ZNF407: variants seen among roughly 807,000 people sequenced by gnomAD.
The protein encoded by ZNF407 is zinc finger protein 407.
Under a neutral mutation model 131.2 loss-of-function variants are expected in ZNF407, and 17 were observed. The observed-to-expected ratio is 0.13, with a 90% CI of 0.09 to 0.19. The LOEUF (loss-of-function observed/expected upper bound fraction) is 0.19. Ranked by LOEUF, ZNF407 falls within the 10% of genes least tolerant of loss-of-function variation. The pLI, the probability that ZNF407 is intolerant of heterozygous loss-of-function variation, is 1.00. For missense variants in ZNF407, 2,681 were observed against 2,830.6 expected, an observed-to-expected ratio of 0.95 and a Z score of 1.20; for synonymous variants, 1,156 against 1,062.0, an observed-to-expected ratio of 1.09 and a Z score of -1.72.
At chr18:74,730,468 G>C (rs565020436) in intron 3 of ZNF407, among the ~76,000 whole-genome samples, 7 of 152,244 alleles carry the variant, frequency 4.6e-5, no homozygotes, top group Non-Finnish European at 1.0e-4. Flanking sequence ...GCTGCCTTGT[G>C]TCCTGTCATT....
At chr18:74,680,675 T>A (rs1352115828) in intron 3 of ZNF407, among the ~76,000 whole-genome samples, 1 of 152,026 alleles carries the variant, frequency 6.6e-6, no homozygotes, top group Non-Finnish European at 1.5e-5. Context: ...CAACCTTGAG[T>A]AGATGTAGTA....
chr18:74,615,521 G>A (rs909631470), intron 1 of ZNF407, among the ~76,000 whole-genome samples: 42 of 152,254 alleles, frequency 2.8e-4, no homozygotes, highest in African/African-American at 9.4e-4. Flanking sequence ...CTTTTATCAC[G>A]TTTGAGCTGT....
chr18:74,925,867 G>A (rs1276054287), intron 8 of ZNF407, among the ~76,000 whole-genome samples: 1 of 152,128 alleles, frequency 6.6e-6, no homozygotes, highest in Non-Finnish European at 1.5e-5. Flanking sequence ...GTATCATTAA[G>A]CTCATCCATA....
intron 8 of ZNF407, among the ~76,000 whole-genome samples, chr18:75,030,706 C>A (rs574102927): frequency 1.3e-5 from 2 of 152,138 alleles, no homozygotes; most frequent in Non-Finnish European, 2.9e-5. Flanking sequence ...CCATGCTGGG[C>A]GTGCTTCTGA....
intron 8 of ZNF407, among the ~76,000 whole-genome samples, chr18:75,012,335 CACATAGTGTAT>C (rs1449559900): frequency 3.9e-5 from 4 of 103,024 alleles, no homozygotes; most frequent in African/African-American, 1.4e-4. Context: ...AGTGTATGTA[CACATAGTGTAT>C]GTACACATAG....
intron 1 of ZNF407, among the ~76,000 whole-genome samples, chr18:74,605,342 C>G (rs536936699): frequency 6.6e-6 from 1 of 152,278 alleles, no homozygotes; most frequent in South Asian, 2.1e-4. Context: ...CTTCATCTCT[C>G]TGAGCCTCAG....
intron 4 of ZNF407, among the ~76,000 whole-genome samples, chr18:74,800,098 G>A (rs1314335596): frequency 1.3e-5 from 2 of 151,674 alleles, no homozygotes; most frequent in African/African-American, 4.8e-5. Context: ...ACAATTCTTT[G>A]TATACACACA....
intron 8 of ZNF407, among the ~76,000 whole-genome samples, chr18:75,058,026 C>T (rs1180129562): frequency 6.6e-6 from 1 of 152,134 alleles, no homozygotes; most frequent in Non-Finnish European, 1.5e-5. Context: ...AGGAGCAGCA[C>T]ACACACAGAG....
intron 7 of ZNF407, among the ~76,000 whole-genome samples, chr18:74,904,846 C>T (rs1206473332): frequency 6.6e-6 from 1 of 152,094 alleles, no homozygotes; most frequent in Non-Finnish European, 1.5e-5. Flanking sequence ...GAAGCAGTGG[C>T]ATATCAATAT....
chr18:74,656,997 G>GA (rs1985487634), intron 3 of ZNF407, among the ~76,000 whole-genome samples: 1 of 151,052 alleles, frequency 6.6e-6, no homozygotes, highest in South Asian at 2.1e-4. Flanking sequence ...TCCTTTGAAT[G>GA]AACATTTTAT....
chr18:74,751,372 AATTT>A (rs1290662696), intron 3 of ZNF407, among the ~76,000 whole-genome samples: 2 of 151,636 alleles, frequency 1.3e-5, no homozygotes, highest in African/African-American at 4.8e-5. Flanking sequence ...TTTTTTTTAA[AATTT>A]ATTTATTTTA....
At chr18:75,012,255 CTATACACATAGTGTA>C (rs1972982966) in intron 8 of ZNF407, among the ~76,000 whole-genome samples, 1 of 151,274 alleles carries the variant, frequency 6.6e-6, no homozygotes, top group Non-Finnish European at 1.5e-5. Context: ...AGCCCACCTG[CTATACACATAGTGTA>C]TGTACACATA....
chr18:74,863,852 C>T (rs1334778496), intron 4 of ZNF407, among the ~76,000 whole-genome samples: 2 of 152,146 alleles, frequency 1.3e-5, no homozygotes, highest in Non-Finnish European at 2.9e-5. Flanking sequence ...TACTATTCCA[C>T]CACCTTTGCA....
intron 4 of ZNF407, among the ~76,000 whole-genome samples, chr18:74,800,277 T>G (rs1342353018): frequency 6.6e-6 from 1 of 152,150 alleles, no homozygotes; most frequent in African/African-American, 2.4e-5. Flanking sequence ...ATTGTAGTTT[T>G]GTTATTCTTA....
chr18:74,667,672 G>T (rs1985984515), intron 3 of ZNF407, among the ~76,000 whole-genome samples: 1 of 152,152 alleles, frequency 6.6e-6, no homozygotes, highest in Non-Finnish European at 1.5e-5. Context: ...TACTCCAATT[G>T]TAAAGCCCAT....
chr18:74,698,460 T>C (rs2144815444), intron 3 of ZNF407, among the ~76,000 whole-genome samples: 1 of 152,316 alleles, frequency 6.6e-6, no homozygotes, highest in African/African-American at 2.4e-5. Flanking sequence ...GCTGGTTATA[T>C]GTATTATGTG....
In ZNF407 at chr18:74,877,379, T is replaced by C; in HGVS notation, c.5044+16T>C. ...ACGCACACAGGTGTGCCGCGCCGCCTTCCTATCCCAGGAGGCTGGGCAGAG... is the reference window on the plus strand; with the variant it reads ...ACGCACACAGGTGTGCCGCGCCGCCCTCCTATCCCAGGAGGCTGGGCAGAG... On this transcript the variant is annotated intron_variant, in intron 5 of 8. Coordinates refer to ENST00000299687, the MANE Select transcript of ZNF407 (RefSeq NM_017757.3). The C allele has an allele frequency of 6.2e-7, 1 of 1,608,884 alleles. No homozygotes were observed. Among genetic ancestry groups the C allele is most frequent in the South Asian group, 1.1e-5 (1 of 90,954 alleles).
intron 4 of ZNF407, among the ~76,000 whole-genome samples, chr18:74,793,840 A>G (rs538730158): frequency 2.0e-5 from 3 of 152,272 alleles, no homozygotes; most frequent in South Asian, 2.1e-4. Flanking sequence ...GGAGAAGGCC[A>G]TGAGTCAGCA....
At chr18:74,718,289 T>G (rs1453588728) in intron 3 of ZNF407, among the ~76,000 whole-genome samples, 1 of 151,586 alleles carries the variant, frequency 6.6e-6, no homozygotes, top group Non-Finnish European at 1.5e-5. Flanking sequence ...AATCATGTGG[T>G]GTGCACTTGT....
Sources: gnomAD v4.1 joint callset for allele counts (sites outside exome capture counted in the v4.1 genomes callset) on GRCh38, gnomAD v4.1.1 for gene constraint, MANE v1.5 for transcripts, NCBI Gene and HGNC (gene_info 2026-07-23, HGNC 2026-07-21) for gene names.